Variants in LRRC49 observed in about 807,000 individuals in gnomAD.
The protein encoded by LRRC49 is leucine-rich repeat-containing protein 49.
A neutral mutation model predicts 83.3 loss-of-function variants in LRRC49; 50 were observed. The ratio of observed to expected loss-of-function variants is 0.60; its 90% CI spans 0.48 to 0.76. LRRC49 has a LOEUF of 0.76. Among genes scored for constraint, LRRC49 ranks in the 30% least tolerant of loss-of-function variants. The pLI is 0.00. For synonymous variants in LRRC49, 286 were observed against 283.3 expected, an observed-to-expected ratio of 1.01 and a Z score of -0.10; for missense variants, 704 against 809.1, an observed-to-expected ratio of 0.87 and a Z score of 1.58.
chr15:70,942,272 C>T (rs1390715524), intron 8 of LRRC49, among the ~76,000 whole-genome samples: 2 of 151,942 alleles, frequency 1.3e-5, no homozygotes, highest in African/African-American at 4.8e-5. Context: ...ATTTTATTCA[C>T]GTGAAGGTTC....
intron 14 of LRRC49, among the ~76,000 whole-genome samples, chr15:71,015,498 G>A (rs951527434): frequency 2.6e-5 from 4 of 152,118 alleles, no homozygotes; most frequent in Non-Finnish European, 5.9e-5. Flanking sequence ...GACAGGAGGC[G>A]GAGCTCAGCG....
chr15:70,903,416 C>A (rs2034168008), intron 4 of LRRC49, among the ~76,000 whole-genome samples: 1 of 151,822 alleles, frequency 6.6e-6, no homozygotes, highest in African/African-American at 2.4e-5. Context: ...TAAACTATTG[C>A]CCAAAATTTC....
intron 9 of LRRC49, among the ~76,000 whole-genome samples, chr15:70,978,300 AG>A (rs1162585564): frequency 6.6e-6 from 1 of 152,286 alleles, no homozygotes; most frequent in East Asian, 1.9e-4. Flanking sequence ...TCCTCATTCT[AG>A]TACTCAGGCT....
At chr15:70,942,646 G>A (rs1249185872) in intron 8 of LRRC49, among the ~76,000 whole-genome samples, 2 of 152,158 alleles carry the variant, frequency 1.3e-5, no homozygotes, top group African/African-American at 4.8e-5. Context: ...CCAAATGTGA[G>A]TGACCATGGA....
At chr15:70,971,029 T>C (rs1252404313) in intron 9 of LRRC49, among the ~76,000 whole-genome samples, 1 of 152,168 alleles carries the variant, frequency 6.6e-6, no homozygotes, top group African/African-American at 2.4e-5. Context: ...CTACTACCTT[T>C]TGAATTTGTT....
At chr15:70,857,665 A>C (rs914706106) in intron 1 of LRRC49, among the ~76,000 whole-genome samples, 7 of 152,218 alleles carry the variant, frequency 4.6e-5, no homozygotes, top group Middle Eastern at 3.2e-3. Flanking sequence ...GAGGGAGCCT[A>C]GGAAAGACAG....
intron 1 of LRRC49, chr15:70,853,836 C>T: frequency 8.4e-7 from 1 of 1,189,724 alleles, no homozygotes. Context: ...CGAACTCGCG[C>T]GCGGCCCGGC....
intron 8 of LRRC49, among the ~76,000 whole-genome samples, chr15:70,939,943 G>C (rs1174840331): frequency 1.3e-5 from 2 of 150,356 alleles, no homozygotes; most frequent in Non-Finnish European, 2.9e-5. Flanking sequence ...ATGGTTAAAG[G>C]TCACTGAAGC....
At chr15:71,038,535 T>G (rs2039596854) in intron 15 of LRRC49, among the ~76,000 whole-genome samples, 1 of 152,136 alleles carries the variant, frequency 6.6e-6, no homozygotes, top group Admixed American at 6.6e-5. Flanking sequence ...CCCATAGGGC[T>G]GTAGGCATTA....
At chr15:70,922,128 A>T (rs1402022242) in intron 7 of LRRC49, among the ~76,000 whole-genome samples, 1 of 152,184 alleles carries the variant, frequency 6.6e-6, no homozygotes. Flanking sequence ...GGTTCCTAAA[A>T]AAAACTAAAA....
At chr15:71,047,174 CTT>C (rs533676029) in intron 15 of LRRC49, among the ~76,000 whole-genome samples, 19 of 152,136 alleles carry the variant, frequency 1.2e-4, no homozygotes, top group Admixed American at 1.1e-3. Flanking sequence ...TATTCGGGCT[CTT>C]TTTTGGTTCC....
intron 8 of LRRC49, among the ~76,000 whole-genome samples, chr15:70,960,942 A>C (rs1320076994): frequency 1.3e-5 from 2 of 152,196 alleles, no homozygotes; most frequent in Non-Finnish European, 2.9e-5. Flanking sequence ...GGGCATCATT[A>C]AAATTAGAAA....
chr15:70,939,041 A>G (rs891176559), intron 8 of LRRC49, among the ~76,000 whole-genome samples: 62 of 152,300 alleles, frequency 4.1e-4, no homozygotes, highest in African/African-American at 1.3e-3. Context: ...TGTGTATGTT[A>G]TTTTACTATA....
chr15:70,858,564 A>T (rs1239562773), intron 1 of LRRC49: 6 of 447,226 alleles, frequency 1.3e-5, no homozygotes. Flanking sequence ...AGATTGTGCC[A>T]TTGCACTCCT....
At chr15:70,902,018 T>G (rs1299714908) in intron 4 of LRRC49, among the ~76,000 whole-genome samples, 1 of 152,188 alleles carries the variant, frequency 6.6e-6, no homozygotes, top group Non-Finnish European at 1.5e-5. Flanking sequence ...TATCTGTGTT[T>G]ATAGTTGGGA....
Position 70,984,121 on chromosome 15 carries a change from G to C in LRRC49, c.1033G>C (p.Val345Leu). 6.2e-7 allele frequency: 1 copy of C among 1,608,766 alleles called. No homozygotes were observed. The highest frequency in any genetic ancestry group is 8.5e-7 in the Non-Finnish European group (1 of 1,178,134). ...KEKKRLTINN[V>L]ARQWDLQQQR... ...GAAGAAAAGGTTAACAATTAACAACGTAGCTCGACAGTGGGACTTGCAACA... is the reference window on the plus strand; with the variant it reads ...GAAGAAAAGGTTAACAATTAACAACCTAGCTCGACAGTGGGACTTGCAACA... Residue 345 changes from valine (V) to leucine (L), a missense_variant, in exon 11 of 16, where the codon GTA (valine) becomes CTA (leucine). Physicochemically the swap from Val to Leu is conservative, Grantham distance 32 (BLOSUM62 1). This residue lies in a region of LRRC49 where 168 missense variants were observed against 140.6 expected (regional missense o/e 1.20). Coordinates refer to ENST00000260382, the MANE Select transcript of LRRC49 (RefSeq NM_017691.5).
chr15:70,863,091 G>A (rs994309511), intron 1 of LRRC49, among the ~76,000 whole-genome samples: 1 of 152,210 alleles, frequency 6.6e-6, no homozygotes, highest in African/African-American at 2.4e-5. Context: ...TCACAAATGA[G>A]CTAAAGTGGT....
rs541858578 is a variant in LRRC49, at chr15:71,049,716, A to G, written c.*104A>G. The G allele has an allele frequency of 2.3e-5, 16 of 708,756 alleles. No individual in the cohort carries two copies. Among genetic ancestry groups the G allele is most frequent in the East Asian group, 5.3e-5 (2 of 37,930 alleles). The allele number at this position is 708,756 out of a possible 1,614,324, so 43.9% of individuals were successfully genotyped here. A position where few individuals can be genotyped will look rare whatever the true frequency, so the allele number is the denominator to read the frequency against. On this transcript the variant is annotated 3_prime_UTR_variant, in exon 16 of 16. Transcript: ENST00000260382. Reference sequence around the variant, plus strand: ...CAACAACAACACTATCCTATAAACTAGAAAGACTAGTATAAAAGCATTATT... The same window carrying G: ...CAACAACAACACTATCCTATAAACTGGAAAGACTAGTATAAAAGCATTATT...
At chr15:70,892,360 C>A, upstream of LRRC49, 1 of 1,547,926 alleles carries the variant, frequency 6.5e-7, no homozygotes, top group African/African-American at 1.4e-5. Context: ...GAGGCAAGTC[C>A]TCCCCTCCTC....
Sources: gnomAD v4.1 joint callset for allele counts (sites outside exome capture counted in the v4.1 genomes callset) on GRCh38, gnomAD v4.1.1 for gene constraint, gnomAD v4.1.1 regional missense constraint, MANE v1.5 for transcripts, NCBI Gene and HGNC (gene_info 2026-07-23, HGNC 2026-07-21) for gene names.